VPS13B: variants seen among roughly 807,000 people sequenced by gnomAD.
VPS13B encodes vacuolar protein sorting 13 homolog B.
In VPS13B, 285 loss-of-function variants were observed where a neutral mutation model predicts 426.4. The observed-to-expected ratio is 0.67, with a 90% CI of 0.61 to 0.74. The LOEUF (loss-of-function observed/expected upper bound fraction) is 0.74, where lower values mean the gene tolerates loss of function less well. Among genes scored for constraint, VPS13B ranks in the 30% least tolerant of loss-of-function variants. The pLI is 0.00. For synonymous variants in VPS13B, 1,676 were observed against 1,676.4 expected (o/e 1.00, Z 0.01); for missense variants, 4,537 against 4,782.6 (o/e 0.95, Z 1.51).
rs757187342 is a variant in VPS13B at position 99,303,258 on chromosome 8, CAAAA to C, written c.2824+28022_2824+28025del. Among the ~76,000 whole-genome samples the C allele has an allele frequency of 7.3e-4, 42 of 57,300 alleles. No homozygotes were observed. In the South Asian group the frequency reaches 0.022, roughly 30 times the overall value. The allele number at this position is 57,300 out of a possible 152,430, so 37.6% of individuals were successfully genotyped here. A position where few individuals can be genotyped will look rare whatever the true frequency, so the allele number is the denominator to read the frequency against. On this transcript the variant is annotated intron_variant, in intron 19 of 61. Coordinates refer to ENST00000357162, the MANE Select transcript of VPS13B (RefSeq NM_152564.5). The stretch of plus-strand genomic sequence containing the variant: ...TTGCGCCACTGCACTCAGCCTGTCT[CAAAA>C]AAAAAAAAAAAAAAAAAGGAAAACA...
intron 34 of VPS13B, among the ~76,000 whole-genome samples, chr8:99,652,255 T>A (rs528426069): frequency 6.6e-6 from 1 of 152,276 alleles, no homozygotes; most frequent in Admixed American, 6.5e-5. Context: ...CTGTGTGACC[T>A]TAGGCAAGTT....
chr8:99,836,475 G>A (rs919310749), intron 54 of VPS13B, among the ~76,000 whole-genome samples: 1 of 116,768 alleles, frequency 8.6e-6, no homozygotes, highest in Admixed American at 1.3e-4. Flanking sequence ...CTGTCTCTAT[G>A]AATTTGCCTG....
intron 51 of VPS13B, among the ~76,000 whole-genome samples, chr8:99,831,371 C>T (rs111989117): frequency 2.8e-3 from 424 of 152,044 alleles, no homozygotes; most frequent in African/African-American, 9.8e-3. Context: ...GGTACCCAGC[C>T]GTAAGGAGAG....
chr8:99,342,151 T>A (rs1811283798), intron 19 of VPS13B, among the ~76,000 whole-genome samples: 2 of 152,232 alleles, frequency 1.3e-5, no homozygotes, highest in African/African-American at 4.8e-5. Context: ...ATATATGGGG[T>A]ATAGCGTGAT....
intron 31 of VPS13B, among the ~76,000 whole-genome samples, chr8:99,572,069 G>A (rs888408889): frequency 2.0e-5 from 3 of 152,086 alleles, no homozygotes; most frequent in Admixed American, 2.0e-4. Flanking sequence ...TCTCTGATTT[G>A]AACTTTATCA....
At chr8:99,243,367 GA>G (rs1430904121) in intron 17 of VPS13B, among the ~76,000 whole-genome samples, 1 of 152,088 alleles carries the variant, frequency 6.6e-6, no homozygotes, top group African/African-American at 2.4e-5. Flanking sequence ...CAGAGAAAGG[GA>G]ATAGTAATTC....
chr8:99,080,157 G>T (rs1233755275), intron 3 of VPS13B, among the ~76,000 whole-genome samples: 1 of 151,560 alleles, frequency 6.6e-6, no homozygotes, highest in Non-Finnish European at 1.5e-5. Flanking sequence ...TGCATGTTAG[G>T]TGTATTGCAA....
At chr8:99,552,161 T>C (rs1366733916) in intron 30 of VPS13B, among the ~76,000 whole-genome samples, 1 of 152,040 alleles carries the variant, frequency 6.6e-6, no homozygotes, top group Non-Finnish European at 1.5e-5. Context: ...GAGTTTTATT[T>C]TTTTTCTCAT....
At chr8:99,463,074 G>A (rs1818921039) in intron 23 of VPS13B, among the ~76,000 whole-genome samples, 1 of 152,156 alleles carries the variant, frequency 6.6e-6, no homozygotes, top group African/African-American at 2.4e-5. Context: ...GAGAGTAGTA[G>A]GAGTCTTCAA....
chr8:99,571,593 C>T (rs1825477393), intron 31 of VPS13B, among the ~76,000 whole-genome samples: 2 of 151,714 alleles, frequency 1.3e-5, no homozygotes, highest in African/African-American at 4.8e-5. Flanking sequence ...TTTCATTGCC[C>T]TTGGTTGTTA....
chr8:99,754,239 T>C (rs887540380), intron 39 of VPS13B, among the ~76,000 whole-genome samples: 1 of 152,110 alleles, frequency 6.6e-6, no homozygotes, highest in Non-Finnish European at 1.5e-5. Context: ...CATTCATCTT[T>C]TATCTCATTG....
chr8:99,031,036 G>A (rs1030702167), intron 2 of VPS13B, among the ~76,000 whole-genome samples: 1 of 152,100 alleles, frequency 6.6e-6, no homozygotes, highest in African/African-American at 2.4e-5. Context: ...GTTAGCCTAG[G>A]TAAAATTAGT....
At chr8:99,382,087 T>C (rs972337377) in intron 19 of VPS13B, among the ~76,000 whole-genome samples, 1 of 152,184 alleles carries the variant, frequency 6.6e-6, no homozygotes, top group African/African-American at 2.4e-5. Flanking sequence ...AGGGAATCCT[T>C]TTCCCCATTG....
At chr8:99,019,463 G>T (rs1014068444) in intron 2 of VPS13B, among the ~76,000 whole-genome samples, 4 of 152,090 alleles carry the variant, frequency 2.6e-5, no homozygotes, top group Non-Finnish European at 4.4e-5. Flanking sequence ...GCCTCCCAAA[G>T]TGCTGGGCTT....
chr8:99,543,175 GAT>G (rs1184381212), intron 30 of VPS13B, among the ~76,000 whole-genome samples: 1 of 152,128 alleles, frequency 6.6e-6, no homozygotes, highest in African/African-American at 2.4e-5. Flanking sequence ...ACAACTATCT[GAT>G]CTTTGACAAA....
chr8:99,055,131 C>A (rs115341604), intron 3 of VPS13B, among the ~76,000 whole-genome samples: 1 of 148,220 alleles, frequency 6.7e-6, no homozygotes, highest in Non-Finnish European at 1.5e-5. Flanking sequence ...CCTCTGCTTT[C>A]GTGCTTAAGT....
intron 21 of VPS13B, among the ~76,000 whole-genome samples, chr8:99,404,805 C>A (rs537304023): frequency 1.4e-4 from 22 of 152,288 alleles, no homozygotes; most frequent in Admixed American, 1.3e-3. Flanking sequence ...TAACATCACA[C>A]GGTCTTGTCT....
chr8:99,157,558 C>A (rs149241799), intron 15 of VPS13B, among the ~76,000 whole-genome samples: 2 of 152,060 alleles, frequency 1.3e-5, no homozygotes, highest in African/African-American at 4.8e-5. Context: ...CTGACCAGTT[C>A]CCCCTTCTCT....
intron 17 of VPS13B, among the ~76,000 whole-genome samples, chr8:99,248,408 GT>G (rs1312238610): frequency 1.3e-5 from 2 of 152,046 alleles, no homozygotes; most frequent in South Asian, 2.1e-4. Context: ...TTTCTTGGTA[GT>G]TTTTTTCAGC....
Sources: gnomAD v4.1 joint callset for allele counts (sites outside exome capture counted in the v4.1 genomes callset) on GRCh38, gnomAD v4.1.1 for gene constraint, MANE v1.5 for transcripts, NCBI Gene and HGNC (gene_info 2026-07-23, HGNC 2026-07-21) for gene names.